The following FSTL4 variants were observed in gnomAD, a reference collection of about 807,000 sequenced individuals.
FSTL4 encodes follistatin-related protein 4.
In FSTL4, 28 loss-of-function variants were observed where a neutral mutation model predicts 78.2. The observed-to-expected ratio is 0.36, with a 90% CI of 0.27 to 0.49. FSTL4 has a LOEUF of 0.49. Ranked by LOEUF, FSTL4 falls within the 20% of genes least tolerant of loss-of-function variation. The pLI is 0.98. For synonymous variants in FSTL4, 422 were observed against 440.5 expected, an observed-to-expected ratio of 0.96 and a Z score of 0.53; for missense variants, 922 against 1,084.9, an observed-to-expected ratio of 0.85 and a Z score of 2.11.
the FSTL4 span, among the ~76,000 whole-genome samples, chr5:133,714,851 C>T: frequency 2.0e-5 from 3 of 152,192 alleles, no homozygotes; most frequent in Non-Finnish European, 4.4e-5. Flanking sequence ...GGCTAATAAC[C>T]GGCAAGGAGG....
At chr5:133,689,612 C>T in the FSTL4 span, among the ~76,000 whole-genome samples, 1 of 152,180 alleles carries the variant, frequency 6.6e-6, no homozygotes, top group Non-Finnish European at 1.5e-5. Flanking sequence ...AACCACAGTA[C>T]CCTGAATAAA....
rs758187177 is a variant in FSTL4, at chr5:133,225,673, G to C, written c.1162C>G (p.Gln388Glu). The change falls in exon 9 of 16, where the codon CAG (glutamine) becomes GAG (glutamate). Residue 388 changes from glutamine to glutamate, a missense_variant. By Grantham distance (29) the Gln-to-Glu change is conservative. Coordinates refer to ENST00000265342, the MANE Select transcript of FSTL4 (RefSeq NM_015082.2). The surrounding 1 kb of genome is among the most constrained non-coding windows in gnomAD (Gnocchi z 4.6). ...GVDVSTQMSK[Q>E]LSLLANGSEL... ...CAGTTCTTACCTAAAAGGGAGAGCTGTTTGGACATCTGAGTTGAGACATCC... is the reference window on the plus strand; with the variant it reads ...CAGTTCTTACCTAAAAGGGAGAGCTCTTTGGACATCTGAGTTGAGACATCC... 1.2e-6 allele frequency: 2 copies of C among 1,601,554 alleles called. No homozygotes were observed. Among genetic ancestry groups the C allele is most frequent in the Non-Finnish European group, 1.7e-6 (2 of 1,173,894 alleles).
chr5:133,655,388 T>C, the FSTL4 span, among the ~76,000 whole-genome samples: 17 of 152,240 alleles, frequency 1.1e-4, no homozygotes, highest in Non-Finnish European at 2.2e-4. Flanking sequence ...TTCTCTGCTC[T>C]AAGCCCAGCA....
chr5:133,210,366 G>GA, intron 13 of FSTL4, 68 bp from the exon 14 acceptor site: 1 of 941,610 alleles, frequency 1.1e-6, no homozygotes, highest in East Asian at 2.4e-5. Context: ...TGTATGCATG[G>GA]GCATCACTCC....
At chr5:133,394,424 G>A (rs999392936) in intron 4 of FSTL4, among the ~76,000 whole-genome samples, 4 of 152,220 alleles carry the variant, frequency 2.6e-5, no homozygotes, top group African/African-American at 9.6e-5. Flanking sequence ...GGTGGGCATG[G>A]GCTTGGTGGG....
At chr5:133,239,663 T>C (rs1399474107) in intron 7 of FSTL4, among the ~76,000 whole-genome samples, 1 of 152,154 alleles carries the variant, frequency 6.6e-6, no homozygotes, top group Non-Finnish European at 1.5e-5. Flanking sequence ...TGTATCTAGC[T>C]CAAGGTTTGT....
chr5:133,425,236 A>AAT (rs34304930), intron 3 of FSTL4, among the ~76,000 whole-genome samples: 33 of 152,044 alleles, frequency 2.2e-4, no homozygotes, highest in Admixed American at 1.6e-3. Flanking sequence ...CTAAAAAAAA[A>AAT]GGTACCTTAG....
At chr5:133,321,691 C>T (rs1029910463) in intron 4 of FSTL4, among the ~76,000 whole-genome samples, 75 of 152,222 alleles carry the variant, frequency 4.9e-4, no homozygotes, top group African/African-American at 1.6e-3. Context: ...AGCTGGGGCC[C>T]GGATCCCATT....
At chr5:133,652,139 T>G in the FSTL4 span, among the ~76,000 whole-genome samples, 1 of 152,200 alleles carries the variant, frequency 6.6e-6, no homozygotes. Flanking sequence ...TTGTGTCTTC[T>G]GCCTTTTTTC....
chr5:133,235,499 C>CAAAAAA (rs71581361), intron 7 of FSTL4, among the ~76,000 whole-genome samples: 1 of 97,552 alleles, frequency 1.0e-5, no homozygotes. Flanking sequence ...ACCCCACCTC[C>CAAAAAA]AAAAAAAAAA....
the FSTL4 span, among the ~76,000 whole-genome samples, chr5:133,692,172 G>T: frequency 1.3e-5 from 2 of 152,158 alleles, no homozygotes; most frequent in African/African-American, 4.8e-5. Context: ...ATGGATAAGA[G>T]GGCAGAGTCC....
chr5:133,388,092 C>G (rs1755748999), intron 4 of FSTL4: 1 of 152,234 alleles, frequency 6.6e-6, no homozygotes, highest in South Asian at 2.1e-4. Flanking sequence ...GCGCACTTAA[C>G]CTCATCATTT....
chr5:133,616,435 T>C (rs987465363), upstream of FSTL4, among the ~76,000 whole-genome samples: 1 of 152,130 alleles, frequency 6.6e-6, no homozygotes, highest in Non-Finnish European at 1.5e-5. Context: ...AGGGTCTTAC[T>C]CTGTCACCCA....
chr5:133,753,136 T>C, the FSTL4 span, among the ~76,000 whole-genome samples: 7 of 152,156 alleles, frequency 4.6e-5, no homozygotes, highest in Non-Finnish European at 1.0e-4. Context: ...AAGACCAAAG[T>C]TACCTGTATG....
Position 133,604,002 on chromosome 5 carries a change from G to A in FSTL4, c.-10-9C>T, listed in dbSNP as rs1760925294. ...GTTTCATTTTGATGAGTCTGTTGAA[G>A]AAATGACAAATGCTGAGAATAAAAC... is the stretch of plus-strand genomic sequence containing the variant. On this transcript the variant is annotated splice_polypyrimidine_tract_variant and intron_variant, in intron 1 of 15. Transcript: ENST00000265342. 2 of 1,595,824 alleles carry A rather than the reference G, an allele frequency of 1.3e-6. No individual in the cohort carries two copies. Among genetic ancestry groups the A allele is most frequent in the Non-Finnish European group, 1.7e-6 (2 of 1,163,576 alleles).
At chr5:133,767,334 C>T in the FSTL4 span, among the ~76,000 whole-genome samples, 1 of 152,276 alleles carries the variant, frequency 6.6e-6, no homozygotes, top group South Asian at 2.1e-4. Context: ...GGTTCTGCAC[C>T]TGCACAGCTA....
intron 7 of FSTL4, among the ~76,000 whole-genome samples, chr5:133,239,180 C>CG (rs904494906): frequency 6.6e-6 from 1 of 152,156 alleles, no homozygotes; most frequent in African/African-American, 2.4e-5. Context: ...TGCCTCCCTG[C>CG]GGGGCAAGGC....
At chr5:133,621,790 G>A in the FSTL4 span, among the ~76,000 whole-genome samples, 1 of 151,888 alleles carries the variant, frequency 6.6e-6, no homozygotes, top group Non-Finnish European at 1.5e-5. Context: ...ACAAATGGAA[G>A]AAAACCAATA....
At chr5:133,580,552 G>C (rs1022524267) in intron 2 of FSTL4, among the ~76,000 whole-genome samples, 1 of 152,152 alleles carries the variant, frequency 6.6e-6, no homozygotes, top group Non-Finnish European at 1.5e-5. Flanking sequence ...GAAGTGCCAC[G>C]GTGCAAAATG....
Sources: allele counts gnomAD v4.1 joint callset (sites outside exome capture counted in the v4.1 genomes callset), GRCh38; gene constraint gnomAD v4.1.1; non-coding constraint Gnocchi (gnomAD v3.1); transcripts MANE v1.5; gene names NCBI Gene and HGNC (gene_info 2026-07-23, HGNC 2026-07-21).